Variants in RYR3 observed in about 807,000 individuals in gnomAD.
The protein encoded by RYR3 is brain ryanodine receptor-calcium release channel.
A neutral mutation model predicts 584.3 loss-of-function variants in RYR3; 207 were observed. That is an observed-to-expected ratio of 0.35 (90% CI 0.32 to 0.40). The LOEUF is 0.40. RYR3 is among the 10% of genes least tolerant of loss of function. The pLI, the probability that RYR3 is intolerant of heterozygous loss-of-function variation, is 1.00. For missense variants in RYR3, 5,616 were observed against 6,089.2 expected (o/e 0.92, Z 2.59); for synonymous variants, 2,416 against 2,248.5 (o/e 1.07, Z -2.11).
intron 3 of RYR3, among the ~76,000 whole-genome samples, chr15:33,505,633 A>G (rs924546439): frequency 2.0e-5 from 3 of 152,114 alleles, no homozygotes; most frequent in Non-Finnish European, 4.4e-5. Flanking sequence ...CTGGGACTAC[A>G]GGCGCCCGCC....
At chr15:33,856,398 A>G (rs2079663454) in intron 98 of RYR3, 1 of 152,212 alleles carries the variant, frequency 6.6e-6, no homozygotes, top group Non-Finnish European at 1.5e-5. Flanking sequence ...AGTCCTTGAG[A>G]GAGGTCAGAT....
At chr15:33,341,226 A>G (rs930152860) in intron 1 of RYR3, among the ~76,000 whole-genome samples, 1 of 152,118 alleles carries the variant, frequency 6.6e-6, no homozygotes. Context: ...TTTAGTAGAG[A>G]CAGGGCTTCA....
At chr15:33,787,541 C>G (rs2074811746) in intron 66 of RYR3, among the ~76,000 whole-genome samples, 1 of 151,004 alleles carries the variant, frequency 6.6e-6, no homozygotes, top group African/African-American at 2.4e-5. Flanking sequence ...CAAAAACAAA[C>G]AAACAAAAAC....
At chr15:33,780,185 TTC>T in intron 64 of RYR3, 24 bp from the exon 65 acceptor site, 1 of 1,610,390 alleles carries the variant, frequency 6.2e-7, no homozygotes, top group Non-Finnish European at 8.5e-7. Flanking sequence ...GGGGCCACAC[TTC>T]TCAATGGACT....
intron 98 of RYR3, chr15:33,856,112 G>T (rs558443010): frequency 2.0e-5 from 3 of 152,188 alleles, no homozygotes; most frequent in African/African-American, 7.2e-5. Context: ...GCAGCTAAAT[G>T]TCTCACCCAA....
At chr15:33,551,140 C>G (rs2056645491) in intron 10 of RYR3, among the ~76,000 whole-genome samples, 1 of 152,192 alleles carries the variant, frequency 6.6e-6, no homozygotes, top group Non-Finnish European at 1.5e-5. Context: ...TTCTGACAGA[C>G]AGTTGGATGG....
Position 33,865,848 on chromosome 15 carries a change from G to A in RYR3, c.*622G>A, listed in dbSNP as rs532850789. ...TCCAGAAGGACAGTTCCATTCATTA[G>A]TTGTGATCTTCCGTCTTACTTTATG... On this transcript the variant is annotated 3_prime_UTR_variant, in exon 104 of 104. Coordinates refer to ENST00000634891, the MANE Select transcript of RYR3 (RefSeq NM_001036.6). The A allele has an allele frequency of 6.5e-6, 1 of 152,826 alleles. No individual in the cohort carries two copies. The highest frequency in any genetic ancestry group is 2.1e-4 in the South Asian group (1 of 4,826). The allele number at this position is 152,826 out of a possible 1,614,324, so 9.5% of individuals were successfully genotyped here. A position where few individuals can be genotyped will look rare whatever the true frequency, so the allele number is the denominator to read the frequency against.
At chr15:33,399,875 C>T (rs1473544034) in intron 1 of RYR3, among the ~76,000 whole-genome samples, 4 of 152,064 alleles carry the variant, frequency 2.6e-5, no homozygotes, top group East Asian at 3.9e-4. Flanking sequence ...CCTAAGTCTT[C>T]CTTTTTAATA....
intron 1 of RYR3, among the ~76,000 whole-genome samples, chr15:33,418,669 A>G (rs1366343387): frequency 3.3e-5 from 5 of 152,076 alleles, no homozygotes; most frequent in African/African-American, 1.2e-4. Flanking sequence ...TAAGACAACT[A>G]CCCCCTGGAA....
chr15:33,386,940 C>A (rs1220797857), intron 1 of RYR3, among the ~76,000 whole-genome samples: 1 of 152,072 alleles, frequency 6.6e-6, no homozygotes, highest in Non-Finnish European at 1.5e-5. Context: ...TCACTGCAAG[C>A]TCCGCCTCCC....
chr15:33,841,699 T>A, intron 90 of RYR3, 165 bp from the exon 91 acceptor site: 1 of 617,210 alleles, frequency 1.6e-6, no homozygotes, highest in Non-Finnish European at 2.8e-6. Context: ...AATATAAATT[T>A]AATGTCCAGC....
At chr15:33,389,349 A>T (rs577080673) in intron 1 of RYR3, among the ~76,000 whole-genome samples, 2 of 152,360 alleles carry the variant, frequency 1.3e-5, no homozygotes, top group South Asian at 4.2e-4. Context: ...ATTAAGAAAT[A>T]ATAGTGTAAG....
rs78252246 is a variant in RYR3, at chr15:33,713,974, G to T, written c.6619+6920G>T. On this transcript the variant is annotated intron_variant, in intron 43 of 103. Coordinates refer to ENST00000634891, the MANE Select transcript of RYR3 (RefSeq NM_001036.6). ...GATTTCAACATGAATTTTGGAGGGTGGGGGGGACACGAATATTCAGACCAT... is the reference window on the plus strand; with the variant it reads ...GATTTCAACATGAATTTTGGAGGGTTGGGGGGACACGAATATTCAGACCAT... Among the ~76,000 whole-genome samples, 141 of 152,202 alleles carry T rather than the reference G, an allele frequency of 9.3e-4. No homozygotes were observed. In the East Asian group the frequency reaches 0.016, roughly 17 times the overall value.
intron 52 of RYR3, among the ~76,000 whole-genome samples, chr15:33,744,861 G>C (rs2070523704): frequency 6.6e-6 from 1 of 152,120 alleles, no homozygotes; most frequent in South Asian, 2.1e-4. Flanking sequence ...GAAAACATGT[G>C]GGTTTTACCA....
At position 33,809,154 on chromosome 15, in the gene RYR3, C is replaced by G. The variant is rs187494644; in HGVS notation, c.10027-1325C>G. 2.6e-5 allele frequency among the ~76,000 whole-genome samples: 4 copies of G among 152,280 alleles called. No homozygotes were observed. In the South Asian group the frequency reaches 6.2e-4, roughly 24 times the overall value. On this transcript the variant is annotated intron_variant, in intron 70 of 103. Coordinates refer to ENST00000634891, the MANE Select transcript of RYR3 (RefSeq NM_001036.6). ...GACCCTACTCTTCTCTTCCAAAAGC[C>G]TTTTCCCATAAAATGAATTCTGCCC...
chr15:33,434,202 T>A (rs554639776), intron 1 of RYR3, among the ~76,000 whole-genome samples: 4 of 152,204 alleles, frequency 2.6e-5, no homozygotes, highest in Non-Finnish European at 5.9e-5. Context: ...ATCAAACCAG[T>A]AAATGTAGAT....
chr15:33,590,175 G>T (rs1400312959), intron 16 of RYR3, among the ~76,000 whole-genome samples: 1 of 152,168 alleles, frequency 6.6e-6, no homozygotes, highest in Non-Finnish European at 1.5e-5. Context: ...TTAAGGTGGG[G>T]CAGGAACAAA....
chr15:33,713,088 G>A (rs8034622), intron 43 of RYR3, among the ~76,000 whole-genome samples: 4,062 of 152,236 alleles, frequency 0.027, 175 homozygotes, highest in African/African-American at 0.093. Context: ...TGTCTAAAAG[G>A]TGATTCAAAA....
At chr15:33,331,821 C>A (rs1183568163) in intron 1 of RYR3, among the ~76,000 whole-genome samples, 2 of 151,768 alleles carry the variant, frequency 1.3e-5, no homozygotes, top group Non-Finnish European at 2.9e-5. Flanking sequence ...GAAACAGTAA[C>A]AATATGTGTA....
Sources: allele counts gnomAD v4.1 joint callset (sites outside exome capture counted in the v4.1 genomes callset), GRCh38; gene constraint gnomAD v4.1.1; transcripts MANE v1.5; gene names NCBI Gene and HGNC (gene_info 2026-07-23, HGNC 2026-07-21).